CNTNAP2: variants seen among roughly 807,000 people sequenced by gnomAD.
The protein encoded by CNTNAP2 is contactin associated protein 2, also known as contactin-associated protein-like 2.
In CNTNAP2, 98 loss-of-function variants were observed where a neutral mutation model predicts 155.2. That is an observed-to-expected ratio of 0.63 (90% CI 0.54 to 0.75). CNTNAP2 has a LOEUF of 0.75. CNTNAP2 is among the 30% of genes least tolerant of loss of function. CNTNAP2 has a pLI of 0.00. For missense variants in CNTNAP2, 1,727 were observed against 1,688.1 expected (o/e 1.02, Z -0.40); for synonymous variants, 651 against 631.2 (o/e 1.03, Z -0.47).
At chr7:147,451,270 C>T (rs530000870) in intron 10 of CNTNAP2, among the ~76,000 whole-genome samples, 4 of 152,252 alleles carry the variant, frequency 2.6e-5, no homozygotes, top group East Asian at 3.9e-4. Context: ...TACAGCCCTT[C>T]GGGGATATGT....
chr7:146,707,848 C>G (rs1214576685), intron 1 of CNTNAP2, among the ~76,000 whole-genome samples: 1 of 151,982 alleles, frequency 6.6e-6, no homozygotes, highest in Non-Finnish European at 1.5e-5. Flanking sequence ...TTGGTTTCAG[C>G]CATAAAATGC....
chr7:146,661,832 G>A (rs1800095409), intron 1 of CNTNAP2, among the ~76,000 whole-genome samples: 1 of 151,482 alleles, frequency 6.6e-6, no homozygotes, highest in Admixed American at 6.6e-5. Flanking sequence ...GGAGTAAATG[G>A]CTGGGTAGGA....
intron 1 of CNTNAP2, among the ~76,000 whole-genome samples, chr7:146,727,441 G>A (rs35543344): frequency 0.036 from 5,493 of 152,258 alleles, 160 homozygotes; most frequent in Non-Finnish European, 0.056. Flanking sequence ...CTTACCACAG[G>A]AAGGATACAG....
chr7:146,767,494 T>C (rs1261837073), intron 1 of CNTNAP2, among the ~76,000 whole-genome samples: 1 of 152,160 alleles, frequency 6.6e-6, no homozygotes, highest in African/African-American at 2.4e-5. Context: ...TTCTATGGAT[T>C]ATTAGGGTTC....
intron 9 of CNTNAP2, among the ~76,000 whole-genome samples, chr7:147,349,464 A>G (rs1031428201): frequency 6.6e-6 from 1 of 151,912 alleles, no homozygotes; most frequent in African/African-American, 2.4e-5. Flanking sequence ...ATAGTGACAT[A>G]GGTGCCTGCT....
At chr7:146,760,609 G>A (rs79613283) in intron 1 of CNTNAP2, among the ~76,000 whole-genome samples, 6,315 of 151,300 alleles carry the variant, frequency 0.042, 157 homozygotes, top group East Asian at 0.096. Context: ...ATTTTTTGTA[G>A]AGATGGGTTT....
rs761376780 is a variant in CNTNAP2, at chr7:148,267,067, C to A, written c.3416C>A (p.Pro1139Gln). Residue 1139 changes from proline to glutamine, a missense_variant, in exon 21 of 24, where the codon CCA becomes CAA. Coordinates refer to ENST00000361727, the MANE Select transcript of CNTNAP2 (RefSeq NM_014141.6). Reference sequence around the variant, plus strand: ...TATCCTTCTGTGAGTTACCATCTGCCAAGTTCATCCGACACCCTCTTCAAT... The same window carrying A: ...TATCCTTCTGTGAGTTACCATCTGCAAAGTTCATCCGACACCCTCTTCAAT... ...DHYPSVSYHL[P>Q]SSSDTLFNSP... 3.1e-6 allele frequency: 5 copies of A among 1,614,154 alleles called. No individual in the cohort carries two copies. In the Admixed American group the frequency reaches 6.7e-5, roughly 22 times the overall value.
intron 21 of CNTNAP2, among the ~76,000 whole-genome samples, chr7:148,359,660 A>C (rs1457970109): frequency 1.3e-5 from 2 of 152,244 alleles, no homozygotes; most frequent in Non-Finnish European, 2.9e-5. Flanking sequence ...TCAGTAGGAC[A>C]GTTTCAACTT....
chr7:147,748,179 T>A (rs1797076478), intron 13 of CNTNAP2, among the ~76,000 whole-genome samples: 1 of 152,196 alleles, frequency 6.6e-6, no homozygotes, highest in Non-Finnish European at 1.5e-5. Context: ...TAAGAAAAAC[T>A]AGTCAGAACT....
chr7:147,242,309 A>G (rs1457893871), intron 8 of CNTNAP2, among the ~76,000 whole-genome samples: 1 of 152,224 alleles, frequency 6.6e-6, no homozygotes, highest in Non-Finnish European at 1.5e-5. Context: ...GTTCTACTGA[A>G]AAACATTTCC....
intron 10 of CNTNAP2, among the ~76,000 whole-genome samples, chr7:147,415,675 T>A (rs574705425): frequency 7.9e-4 from 120 of 152,258 alleles, no homozygotes; most frequent in African/African-American, 2.7e-3. Flanking sequence ...AGTAAAAAAA[T>A]GGACCAATAC....
At chr7:146,311,157 C>T (rs548287006) in intron 1 of CNTNAP2, among the ~76,000 whole-genome samples, 2 of 152,252 alleles carry the variant, frequency 1.3e-5, no homozygotes, top group East Asian at 3.9e-4. Flanking sequence ...AATGACACCA[C>T]ACAGTTTTTG....
intron 1 of CNTNAP2, among the ~76,000 whole-genome samples, chr7:146,759,929 TA>T (rs1175530052): frequency 6.6e-6 from 1 of 152,138 alleles, no homozygotes; most frequent in Non-Finnish European, 1.5e-5. Context: ...ATTTAATATA[TA>T]AAAATAAACC....
chr7:147,407,830 G>A (rs977533064), intron 10 of CNTNAP2, among the ~76,000 whole-genome samples: 41 of 152,292 alleles, frequency 2.7e-4, no homozygotes, highest in African/African-American at 7.9e-4. Flanking sequence ...GAAGTAGGTT[G>A]AACTTCAGAG....
At chr7:146,160,382 C>CA (rs578050896) in intron 1 of CNTNAP2, among the ~76,000 whole-genome samples, 4 of 151,990 alleles carry the variant, frequency 2.6e-5, no homozygotes, top group South Asian at 2.1e-4. Flanking sequence ...AAAAACCCTT[C>CA]AAAAAATCAA....
chr7:146,543,022 A>T (rs955139326), intron 1 of CNTNAP2, among the ~76,000 whole-genome samples: 1 of 151,874 alleles, frequency 6.6e-6, no homozygotes, highest in African/African-American at 2.4e-5. Flanking sequence ...AGTTAATAAT[A>T]ATGTAGTATT....
intron 1 of CNTNAP2, among the ~76,000 whole-genome samples, chr7:146,298,324 A>C (rs1218685758): frequency 6.6e-6 from 1 of 152,226 alleles, no homozygotes; most frequent in East Asian, 1.9e-4. Context: ...GTTTTCCTGC[A>C]GAAGGCTACA....
At chr7:147,215,661 G>T (rs1192481952) in intron 8 of CNTNAP2, among the ~76,000 whole-genome samples, 1 of 152,070 alleles carries the variant, frequency 6.6e-6, no homozygotes, top group African/African-American at 2.4e-5. Flanking sequence ...TTCTTGTTCA[G>T]GTTTATGTGT....
rs146851504 is a variant in CNTNAP2 at position 148,155,349 on chromosome 7, A to G, written c.2773+7640A>G. Among the ~76,000 whole-genome samples the G allele has an allele frequency of 1.5e-3, 227 of 152,334 alleles. 2 individuals are homozygous for G. The highest frequency in any genetic ancestry group is 2.7e-3 in the Non-Finnish European group (184 of 68,028). On this transcript the variant is annotated intron_variant, in intron 17 of 23. Coordinates refer to ENST00000361727, the MANE Select transcript of CNTNAP2 (RefSeq NM_014141.6). ...GCTGTTGCGACAGGGTAGAGAAGCCAGAATGCAGTCGAGCTCGCCTCCACT... is the reference window on the plus strand; with the variant it reads ...GCTGTTGCGACAGGGTAGAGAAGCCGGAATGCAGTCGAGCTCGCCTCCACT...
Sources: allele counts gnomAD v4.1 joint callset (sites outside exome capture counted in the v4.1 genomes callset), GRCh38; gene constraint gnomAD v4.1.1; transcripts MANE v1.5; gene names NCBI Gene and HGNC (gene_info 2026-07-23, HGNC 2026-07-21).